PHLDB2: variants seen among roughly 807,000 people sequenced by gnomAD.
PHLDB2 encodes pleckstrin homology-like domain family B member 2.
Under a neutral mutation model 123.6 loss-of-function variants are expected in PHLDB2, and 71 were observed. That is an observed-to-expected ratio of 0.57 (90% confidence interval 0.47 to 0.70). The LOEUF (loss-of-function observed/expected upper bound fraction) is 0.70. Among genes scored for constraint, PHLDB2 ranks in the 30% least tolerant of loss-of-function variants. PHLDB2 has a pLI of 0.00. For synonymous variants in PHLDB2, 547 were observed against 541.6 expected, an observed-to-expected ratio of 1.01 and a Z score of -0.14; for missense variants, 1,446 against 1,519.5, an observed-to-expected ratio of 0.95 and a Z score of 0.80.
At chr3:111,848,303 C>T (rs1470229728) in intron 2 of PHLDB2, among the ~76,000 whole-genome samples, 1 of 152,122 alleles carries the variant, frequency 6.6e-6, no homozygotes, top group Non-Finnish European at 1.5e-5. Context: ...GGTAAGGTTA[C>T]CCCCCGCCAC....
chr3:111,911,453 A>G (rs530004026), intron 2 of PHLDB2, among the ~76,000 whole-genome samples: 1 of 152,208 alleles, frequency 6.6e-6, no homozygotes, highest in Non-Finnish European at 1.5e-5. Flanking sequence ...TTGTTTTTGC[A>G]TATGCCCATG....
At chr3:111,822,718 T>G (rs1186496114) in intron 1 of PHLDB2, among the ~76,000 whole-genome samples, 2 of 152,198 alleles carry the variant, frequency 1.3e-5, no homozygotes, top group Non-Finnish European at 2.9e-5. Flanking sequence ...ACGTGAGCTC[T>G]TCTCTTATTC....
chr3:111,974,869 A>G lies in PHLDB2; in HGVS notation c.*306A>G, dbSNP rs575639815. On this transcript the variant is annotated 3_prime_UTR_variant, in exon 18 of 18. Coordinates refer to ENST00000431670, the MANE Select transcript of PHLDB2 (RefSeq NM_001134438.2). The stretch of plus-strand genomic sequence containing the variant: ...TTAATCAGTTGTCGGATTTGGTGAA[A>G]TAAACTAAACAGGTTACAGAATATC... 21 of 193,600 alleles carry G rather than the reference A, an allele frequency of 1.1e-4. No individual in the cohort carries two copies. The East Asian group carries it at 2.4e-3, about 23-fold the overall frequency. 12.0% of individuals were successfully genotyped at this position (193,600 alleles called of 1,614,324 possible). A position where few individuals can be genotyped will look rare whatever the true frequency, so the allele number is the denominator to read the frequency against.
At chr3:111,741,143 G>A (rs901898372) in intron 1 of PHLDB2, among the ~76,000 whole-genome samples, 1 of 152,136 alleles carries the variant, frequency 6.6e-6, no homozygotes, top group Non-Finnish European at 1.5e-5. Flanking sequence ...CTTTCTAGCA[G>A]GAGAAAAAGA....
At chr3:111,819,005 C>T (rs955117528) in intron 1 of PHLDB2, among the ~76,000 whole-genome samples, 1 of 152,052 alleles carries the variant, frequency 6.6e-6, no homozygotes, top group African/African-American at 2.4e-5. Context: ...AGTTTTGGAG[C>T]CTAGAAATCC....
intron 2 of PHLDB2, among the ~76,000 whole-genome samples, chr3:111,894,585 T>A (rs913743306): frequency 1.3e-5 from 2 of 151,808 alleles, no homozygotes; most frequent in South Asian, 2.1e-4. Context: ...GTTTCCTGAC[T>A]TTTTAATGAT....
chr3:111,807,951 T>TC (rs1553731361), intron 1 of PHLDB2, among the ~76,000 whole-genome samples: 1 of 98,918 alleles, frequency 1.0e-5, no homozygotes, highest in Non-Finnish European at 2.4e-5. Context: ...TGGGTGTTTT[T>TC]TTTTTTTTTT....
In PHLDB2 at chr3:111,859,584, G is replaced by C. The variant is rs1358049379; in HGVS notation, c.-15+8G>C. On this transcript the variant is annotated splice_region_variant and intron_variant, in intron 1 of 17. Coordinates refer to ENST00000431670, the MANE Select transcript of PHLDB2 (RefSeq NM_001134438.2). ...GGCTGCACCAATGGCCAGGTGAGGA[G>C]GCGGCGGTGGTCGCCCGGGAGGAGG... is the stretch of plus-strand genomic sequence containing the variant. 1.0e-6 allele frequency: 1 copy of C among 985,462 alleles called. No homozygotes were observed. Among genetic ancestry groups the C allele is most frequent in the Non-Finnish European group, 1.2e-6 (1 of 830,038 alleles). The allele number at this position is 985,462 out of a possible 1,614,324, so 61.0% of individuals were successfully genotyped here.
intron 1 of PHLDB2, among the ~76,000 whole-genome samples, chr3:111,802,015 A>T (rs1278089129): frequency 6.6e-6 from 1 of 152,236 alleles, no homozygotes; most frequent in Non-Finnish European, 1.5e-5. Flanking sequence ...ATTATAGTAT[A>T]TGAATTCTAT....
intron 1 of PHLDB2, among the ~76,000 whole-genome samples, chr3:111,736,030 C>A (rs1941677269): frequency 1.3e-5 from 2 of 152,122 alleles, no homozygotes; most frequent in African/African-American, 4.8e-5. Flanking sequence ...TATTTATTCC[C>A]CCTTCCCACT....
At chr3:111,774,900 A>G (rs1394531469) in intron 1 of PHLDB2, among the ~76,000 whole-genome samples, 2 of 152,180 alleles carry the variant, frequency 1.3e-5, no homozygotes, top group East Asian at 1.9e-4. Context: ...TCGGGGAAAC[A>G]TGAAAATACT....
Position 111,913,503 on chromosome 3 carries a change from G to C in PHLDB2, c.1520G>C (p.Arg507Thr). The change falls in exon 3 of 18, where the codon AGG becomes ACG. Residue 507 changes from arginine (R) to threonine (T), a missense_variant. Physicochemically the swap from Arg to Thr is moderately conservative, Grantham distance 71 (BLOSUM62 -1). Around this residue, in one of 3 missense-constraint regions of PHLDB2, gnomAD observed 832 missense variants for 831.9 expected, o/e 1.00. Transcript: ENST00000431670. ...CTCATGAGCCCTGACACAAGATACA[G>C]GTGCCACCGGAAAGACTCCCTCCCT... The part of the protein sequence containing the change: ...EALMSPDTRY[R>T]CHRKDSLPDA... 3 of 1,614,104 alleles carry C rather than the reference G, an allele frequency of 1.9e-6. No individual in the cohort carries two copies. Among genetic ancestry groups the C allele is most frequent in the Non-Finnish European group, 2.5e-6 (3 of 1,180,008 alleles).
upstream of PHLDB2, among the ~76,000 whole-genome samples, chr3:111,855,773 A>G (rs902544346): frequency 2.0e-5 from 3 of 151,330 alleles, no homozygotes; most frequent in African/African-American, 4.9e-5. Flanking sequence ...GGGACTACAG[A>G]TGGTGCACCA....
At chr3:111,923,436 C>T (rs7618841) in intron 5 of PHLDB2, among the ~76,000 whole-genome samples, 55,713 of 152,084 alleles carry the variant, frequency 0.37, 10,691 homozygotes, top group East Asian at 0.7. Context: ...CTCTTGTACC[C>T]TCATGTCCTT....
chr3:111,958,361 A>G, intron 12 of PHLDB2: 1 of 925,354 alleles, frequency 1.1e-6, no homozygotes, highest in South Asian at 4.5e-5. Flanking sequence ...CCCAGGTTAT[A>G]CTTTAAGTCA....
chr3:111,919,686 C>T (rs937276638), intron 4 of PHLDB2, among the ~76,000 whole-genome samples: 2 of 152,228 alleles, frequency 1.3e-5, no homozygotes, highest in African/African-American at 4.8e-5. Flanking sequence ...AGAGAGAACA[C>T]ATATTGCATA....
intron 1 of PHLDB2, among the ~76,000 whole-genome samples, chr3:111,794,975 A>G (rs1333713074): frequency 6.6e-6 from 1 of 151,854 alleles, no homozygotes; most frequent in East Asian, 1.9e-4. Context: ...TTTTATGTTC[A>G]CTCCAGGAGC....
chr3:111,918,830 A>C (rs565538945), intron 3 of PHLDB2, among the ~76,000 whole-genome samples: 13 of 152,332 alleles, frequency 8.5e-5, no homozygotes, highest in African/African-American at 3.1e-4. Flanking sequence ...TAGCTTCAAA[A>C]GGATATGAAT....
At chr3:111,958,163 C>A (rs781117867) in intron 12 of PHLDB2, 2 of 590,630 alleles carry the variant, frequency 3.4e-6, no homozygotes, top group Non-Finnish European at 4.3e-6. Flanking sequence ...GTTTTTCCTG[C>A]CCCCTTGTCA....
Sources: gnomAD v4.1 joint callset for allele counts (sites outside exome capture counted in the v4.1 genomes callset) on GRCh38, gnomAD v4.1.1 for gene constraint, gnomAD v4.1.1 regional missense constraint, MANE v1.5 for transcripts, NCBI Gene and HGNC (gene_info 2026-07-23, HGNC 2026-07-21) for gene names.